Variants in ANKRD27 observed in about 807,000 individuals in gnomAD.
The protein encoded by ANKRD27 is ankyrin repeat domain 27.
In ANKRD27, 112 loss-of-function variants were observed where a neutral mutation model predicts 129.7. The observed-to-expected ratio is 0.86, with a 90% CI of 0.74 to 1.01. ANKRD27 has a LOEUF of 1.01. Among genes scored for constraint, ANKRD27 ranks in the 50% least tolerant of loss-of-function variants. The probability of loss-of-function intolerance (pLI) is 0.00; values close to 1 mark genes in which losing one functional copy is unlikely to be tolerated. For missense variants in ANKRD27, 1,258 were observed against 1,300.5 expected (o/e 0.97, Z 0.50); for synonymous variants, 516 against 511.2 (o/e 1.01, Z -0.13).
chr19:32,606,550 G>C (rs931216020), intron 23 of ANKRD27, among the ~76,000 whole-genome samples: 34 of 33,808 alleles, frequency 1.0e-3, no homozygotes, highest in Admixed American at 3.1e-3. Context: ...GCTCTGTGCG[G>C]TTGAAGCGCA....
At chr19:32,667,301 T>C (rs989378770) in intron 1 of ANKRD27, among the ~76,000 whole-genome samples, 4 of 152,268 alleles carry the variant, frequency 2.6e-5, no homozygotes, top group Non-Finnish European at 4.4e-5. Flanking sequence ...TTACACATAA[T>C]GGCTCTCTTG....
At chr19:32,626,210 C>T (rs980839609) in intron 16 of ANKRD27, among the ~76,000 whole-genome samples, 1 of 152,186 alleles carries the variant, frequency 6.6e-6, no homozygotes, top group Non-Finnish European at 1.5e-5. Flanking sequence ...GCCTGTCTCC[C>T]AGGCTGAAGT....
In ANKRD27 at chr19:32,626,618, G is replaced by T. The variant is rs1305823995; in HGVS notation, c.1536+94C>A. ...GGGGGGCACAGCACCAGGAGACAGGGGTGCAGGGTAGCCAGCATGACCGTA... is the reference window on the plus strand; with the variant it reads ...GGGGGGCACAGCACCAGGAGACAGGTGTGCAGGGTAGCCAGCATGACCGTA... On this transcript the variant is annotated intron_variant, in intron 16 of 28. Transcript: ENST00000306065. The T allele has an allele frequency of 1.9e-5, 17 of 907,646 alleles. No homozygotes were observed. In the East Asian group the frequency reaches 5.0e-4, roughly 27 times the overall value. 56.2% of individuals were successfully genotyped at this position (907,646 alleles called of 1,614,324 possible).
At chr19:32,611,988 C>T (rs896348863) in intron 22 of ANKRD27, among the ~76,000 whole-genome samples, 3 of 152,204 alleles carry the variant, frequency 2.0e-5, no homozygotes, top group Non-Finnish European at 4.4e-5. Context: ...ATCCTCTAAC[C>T]TCGGCCTCCC....
At chr19:32,658,289 G>T (rs1216454620) in intron 2 of ANKRD27, among the ~76,000 whole-genome samples, 5 of 152,174 alleles carry the variant, frequency 3.3e-5, no homozygotes, top group African/African-American at 1.2e-4. Flanking sequence ...ACTGACCTGA[G>T]AACTGGAAAG....
chr19:32,633,424 C>A (rs991019731), intron 12 of ANKRD27, among the ~76,000 whole-genome samples: 1 of 148,416 alleles, frequency 6.7e-6, no homozygotes, highest in African/African-American at 2.5e-5. Context: ...CCTTGAACTA[C>A]CAGGTTCAAG....
intron 12 of ANKRD27, chr19:32,638,452 T>A (rs1253658280): frequency 6.6e-6 from 1 of 152,228 alleles, no homozygotes; most frequent in East Asian, 1.9e-4. Context: ...TCATTCTTCC[T>A]CGACATGGGA....
chr19:32,646,287 T>C (rs189452474), intron 4 of ANKRD27, among the ~76,000 whole-genome samples, 172 bp downstream of exon 4: 45 of 152,162 alleles, frequency 3.0e-4, no homozygotes, highest in Non-Finnish European at 4.9e-4. Flanking sequence ...CAGGCTAGTT[T>C]TGAACTCCTG....
chr19:32,602,417 G>A (rs1389727019), intron 25 of ANKRD27, among the ~76,000 whole-genome samples: 1 of 152,028 alleles, frequency 6.6e-6, no homozygotes, highest in Non-Finnish European at 1.5e-5. Context: ...ACTATCATAT[G>A]CTTATCATGA....
chr19:32,606,990 G>C (rs1971752287), intron 23 of ANKRD27, among the ~76,000 whole-genome samples: 1 of 142,298 alleles, frequency 7.0e-6, no homozygotes, highest in Non-Finnish European at 1.5e-5. Context: ...ATTTATCTAG[G>C]TGTGGTGGTG....
intron 18 of ANKRD27, among the ~76,000 whole-genome samples, chr19:32,622,004 A>G (rs1972017200): frequency 1.3e-5 from 2 of 152,164 alleles, no homozygotes; most frequent in Non-Finnish European, 2.9e-5. Flanking sequence ...ATTATGTATG[A>G]AAGAAACCAC....
At chr19:32,667,101 T>C (rs1232012694) in intron 1 of ANKRD27, among the ~76,000 whole-genome samples, 2 of 152,222 alleles carry the variant, frequency 1.3e-5, no homozygotes, top group East Asian at 1.9e-4. Flanking sequence ...CATATCAACA[T>C]AGCACCAGTT....
intron 4 of ANKRD27, among the ~76,000 whole-genome samples, chr19:32,645,023 A>G (rs1385302295): frequency 6.6e-6 from 1 of 152,198 alleles, no homozygotes; most frequent in East Asian, 1.9e-4. Context: ...TCCTTAGCCC[A>G]GTGACTTTAA....
chr19:32,614,241 C>T (rs561175009), intron 22 of ANKRD27, among the ~76,000 whole-genome samples: 4 of 152,184 alleles, frequency 2.6e-5, no homozygotes, highest in African/African-American at 9.6e-5. Flanking sequence ...TGTATAAATA[C>T]ATAGACTTTA....
intron 12 of ANKRD27, among the ~76,000 whole-genome samples, chr19:32,632,912 G>A (rs1037280271): frequency 3.3e-5 from 5 of 152,146 alleles, no homozygotes; most frequent in East Asian, 1.9e-4. Flanking sequence ...TGCCATGCAG[G>A]GTCCTCCCAG....
rs752725481 is a variant in ANKRD27 at position 32,604,392 on chromosome 19, C to T, written c.2526G>A (p.Lys842=). Residue 842 remains lysine (K), a synonymous_variant, in exon 25 of 29, where the codon AAG becomes AAA. Transcript: ENST00000306065. ...HGASINASNN[K]GNTALHEAVI... ...CAGCCTCGTGCAGCGCTGTGTTGCC[C>T]TTATTGTTAGAAGCGTTAATGGAGG... The T allele has an allele frequency of 3.1e-6, 5 of 1,612,262 alleles. No individual in the cohort carries two copies. Among genetic ancestry groups the T allele is most frequent in the South Asian group, 2.2e-5 (2 of 91,006 alleles).
rs55674756 is a variant in ANKRD27, at chr19:32,618,451, G to GA, written c.2007+808dup. On this transcript the variant is annotated intron_variant, in intron 20 of 28. Coordinates refer to ENST00000306065, the MANE Select transcript of ANKRD27 (RefSeq NM_032139.3). ...ACACAGTGAGACCGTGTCCCAAAAA[G>GA]AAAAAAAAAAAAAAAAAAAAAGAAA... 1.5e-3 allele frequency among the ~76,000 whole-genome samples: 155 copies of GA among 100,296 alleles called. 2 individuals carry two copies. Among genetic ancestry groups the GA allele is most frequent in the East Asian group, 0.01 (27 of 2,670 alleles). The allele number at this position is 100,296 out of a possible 152,430, so 65.8% of individuals were successfully genotyped here. A position where few individuals can be genotyped will look rare whatever the true frequency, so the allele number is the denominator to read the frequency against.
intron 12 of ANKRD27, 140 bp downstream of exon 12, chr19:32,639,216 G>A (rs2042261): frequency 2.0e-6 from 2 of 986,240 alleles, no homozygotes; most frequent in Non-Finnish European, 3.0e-6. Context: ...TGATTTTTAA[G>A]ACTCACAGCC....
intron 9 of ANKRD27, among the ~76,000 whole-genome samples, chr19:32,642,655 TG>T (rs1967223582): frequency 1.3e-5 from 2 of 152,114 alleles, no homozygotes; most frequent in African/African-American, 4.8e-5. Flanking sequence ...GAGAATCACT[TG>T]AACTCAGGAG....
Sources: allele counts gnomAD v4.1 joint callset (sites outside exome capture counted in the v4.1 genomes callset), GRCh38; gene constraint gnomAD v4.1.1; transcripts MANE v1.5; gene names NCBI Gene and HGNC (gene_info 2026-07-23, HGNC 2026-07-21).